Variants in PPARG observed in about 807,000 individuals in gnomAD.
PPARG encodes peroxisome proliferator-activated receptor gamma.
PPARG carries 17 observed loss-of-function variants against 39.2 expected under a neutral mutation model. The ratio of observed to expected loss-of-function variants is 0.43; its 90% confidence interval spans 0.30 to 0.65. The LOEUF is 0.65. Ranked by LOEUF, PPARG falls within the 30% of genes least tolerant of loss-of-function variation. The probability of loss-of-function intolerance (pLI) is 0.13; values close to 1 mark genes in which losing one functional copy is unlikely to be tolerated. For synonymous variants in PPARG, 223 were observed against 215.7 expected, an observed-to-expected ratio of 1.03 and a Z score of -0.30; for missense variants, 406 against 585.9, an observed-to-expected ratio of 0.69 and a Z score of 3.17.
chr3:12,356,030 A>G (rs1468996998), intron 2 of PPARG, among the ~76,000 whole-genome samples: 4 of 152,178 alleles, frequency 2.6e-5, no homozygotes, highest in African/African-American at 4.8e-5. Context: ...AAATTTCTTC[A>G]TTATCTTAGA....
In PPARG at chr3:12,381,421, T is replaced by A; in HGVS notation, c.320T>A (p.Ile107Asn). The A allele has an allele frequency of 1.2e-6, 2 of 1,613,610 alleles. No individual in the cohort carries two copies. Among genetic ancestry groups the A allele is most frequent in the Non-Finnish European group, 1.7e-6 (2 of 1,179,786 alleles). The stretch of plus-strand genomic sequence containing the variant: ...GAGCCTTCCAACTCCCTCATGGCAA[T>A]TGAATGTCGTGTCTGTGGAGATAAA... Reference protein sequence around the residue: ...HEEPSNSLMAIECRVCGDKAS... With the variant: ...HEEPSNSLMANECRVCGDKAS... The change falls in exon 4 of 8, where the codon ATT becomes AAT. Residue 107 changes from isoleucine (I) to asparagine (N), a missense_variant. This residue lies in a region of PPARG where 131 missense variants were observed against 127.9 expected (regional missense o/e 1.02). Transcript: ENST00000651735.
At chr3:12,350,498 C>T (rs944929077) in intron 2 of PPARG, among the ~76,000 whole-genome samples, 1 of 152,152 alleles carries the variant, frequency 6.6e-6, no homozygotes, top group African/African-American at 2.4e-5. Context: ...TAATATACTG[C>T]CCTGTGTGGG....
chr3:12,382,285 A>G (rs1263315484), intron 4 of PPARG, among the ~76,000 whole-genome samples: 1 of 152,186 alleles, frequency 6.6e-6, no homozygotes, highest in Non-Finnish European at 1.5e-5. Context: ...TGAAAAGGGT[A>G]TTTTGGAAAA....
At chr3:12,319,742 A>G (rs1027774879) in intron 2 of PPARG, among the ~76,000 whole-genome samples, 3 of 151,774 alleles carry the variant, frequency 2.0e-5, no homozygotes, top group Admixed American at 2.0e-4. Context: ...ATGTTGTTCC[A>G]GGGAAATTCA....
chr3:12,391,224 CTTATAA>C (rs1198092077), intron 4 of PPARG, among the ~76,000 whole-genome samples: 2 of 151,992 alleles, frequency 1.3e-5, no homozygotes, highest in African/African-American at 2.4e-5. Flanking sequence ...CGCTGAGGAA[CTTATAA>C]TTTTAATTGA....
At chr3:12,301,919 C>G (rs1189253299) in intron 1 of PPARG, 1 of 152,152 alleles carries the variant, frequency 6.6e-6, no homozygotes, top group Non-Finnish European at 1.5e-5. Context: ...CATGTCTTGC[C>G]AGACACAACA....
At chr3:12,311,455 T>C (rs1445740795) in intron 1 of PPARG, among the ~76,000 whole-genome samples, 1 of 152,242 alleles carries the variant, frequency 6.6e-6, no homozygotes, top group African/African-American at 2.4e-5. Flanking sequence ...GGCTATAGTT[T>C]ATATTATTTC....
In PPARG at chr3:12,416,959, G is replaced by A; in HGVS notation, c.985G>A (p.Ala329Thr). ...CCACGAGATCATTTACACAATGCTG[G>A]CCTCCTTGATGAATAAAGATGGGGT... ...GVHEIIYTMLASLMNKDGVLI... is the reference protein window; with the variant it reads ...GVHEIIYTMLTSLMNKDGVLI... The change falls in exon 7 of 8, where the codon GCC becomes ACC. Residue 329 changes from alanine to threonine, a missense_variant. By Grantham distance (58) the Ala-to-Thr change is moderately conservative. Around this residue, in one of 2 missense-constraint regions of PPARG, gnomAD observed 275 missense variants for 458.0 expected, o/e 0.60. Transcript: ENST00000651735. 6.2e-7 allele frequency: 1 copy of A among 1,614,034 alleles called. No individual in the cohort carries two copies. The highest frequency in any genetic ancestry group is 8.5e-7 in the Non-Finnish European group (1 of 1,179,994).
At chr3:12,320,160 T>C (rs1190504250) in intron 2 of PPARG, among the ~76,000 whole-genome samples, 6 of 152,208 alleles carry the variant, frequency 3.9e-5, no homozygotes, top group Admixed American at 1.3e-4. Flanking sequence ...ACGTAGTAAC[T>C]AACCTGTTTT....
rs933679361 is a variant in PPARG, at chr3:12,406,182, G to C, written c.729+101G>C. ...TTACTGCGCTACAAATGCACACACA[G>C]AATATTGTTCAACTGTTGGCTGTTA... On this transcript the variant is annotated intron_variant, in intron 6 of 7. Transcript: ENST00000651735. 13 of 1,185,112 alleles carry C rather than the reference G, an allele frequency of 1.1e-5. No individual in the cohort carries two copies. The Middle Eastern group carries it at 9.4e-4, about 86-fold the overall frequency. 73.4% of individuals were successfully genotyped at this position (1,185,112 alleles called of 1,614,324 possible).
intron 2 of PPARG, among the ~76,000 whole-genome samples, chr3:12,365,817 G>T (rs2048998537): frequency 6.6e-6 from 1 of 152,028 alleles, no homozygotes; most frequent in South Asian, 2.1e-4. Context: ...TTCTAGTAAG[G>T]CTTGAAGTCA....
chr3:12,422,481 G>A (rs2051297054), intron 7 of PPARG, among the ~76,000 whole-genome samples: 1 of 152,270 alleles, frequency 6.6e-6, no homozygotes, highest in African/African-American at 2.4e-5. Flanking sequence ...TCTACTTTTT[G>A]CGTATTGAGA....
At chr3:12,319,250 TCTGCGAAGGAAGTACAG>T (rs1664922164) in intron 2 of PPARG, among the ~76,000 whole-genome samples, 1 of 152,234 alleles carries the variant, frequency 6.6e-6, no homozygotes, top group African/African-American at 2.4e-5. Flanking sequence ...ATTTTTCTTA[TCTGCGAAGGAAGTACAG>T]CAGCTCCCAC....
intron 6 of PPARG, among the ~76,000 whole-genome samples, chr3:12,408,393 G>T (rs1239579135): frequency 6.6e-6 from 1 of 152,096 alleles, no homozygotes; most frequent in Admixed American, 6.6e-5. Flanking sequence ...TTCGTTCAAT[G>T]ATAAAATTGG....
At chr3:12,320,376 G>A (rs1574983681) in intron 2 of PPARG, among the ~76,000 whole-genome samples, 1 of 152,242 alleles carries the variant, frequency 6.6e-6, no homozygotes, top group South Asian at 2.1e-4. Flanking sequence ...TTTCCTTGCT[G>A]GTAATAATGT....
intron 1 of PPARG, among the ~76,000 whole-genome samples, chr3:12,296,254 C>CAAAAAAAAAAAAAAAAAAAAAAAAAA (rs545210244): frequency 2.1e-5 from 1 of 48,628 alleles, no homozygotes. Context: ...CACTTTGTCT[C>CAAAAAAAAAAAAAAAAAAAAAAAAAA]AAAAAAAAAA....
chr3:12,320,218 G>A (rs189912827), intron 2 of PPARG, among the ~76,000 whole-genome samples: 11 of 152,220 alleles, frequency 7.2e-5, no homozygotes, highest in South Asian at 2.1e-4. Flanking sequence ...GTATATATAC[G>A]TGCATATATA....
At chr3:12,337,795 T>A (rs1482952425) in intron 2 of PPARG, among the ~76,000 whole-genome samples, 1 of 152,106 alleles carries the variant, frequency 6.6e-6, no homozygotes, top group Non-Finnish European at 1.5e-5. Context: ...ATACAATAAT[T>A]AAAAATAGAA....
intron 1 of PPARG, among the ~76,000 whole-genome samples, chr3:12,293,139 A>C (rs1219637752): frequency 6.6e-6 from 1 of 152,212 alleles, no homozygotes; most frequent in Non-Finnish European, 1.5e-5. Context: ...TTTGTGGGAC[A>C]GTGCCATGAA....
Sources: allele counts gnomAD v4.1 joint callset (sites outside exome capture counted in the v4.1 genomes callset), GRCh38; gene constraint gnomAD v4.1.1; regional missense constraint gnomAD v4.1.1; transcripts MANE v1.5; gene names NCBI Gene and HGNC (gene_info 2026-07-23, HGNC 2026-07-21).